Variants in DOCK3 observed in about 807,000 individuals in gnomAD.
DOCK3 encodes the protein dedicator of cytokinesis protein 3.
Under a neutral mutation model 265.6 loss-of-function variants are expected in DOCK3, and 60 were observed. The ratio of observed to expected loss-of-function variants is 0.23; its 90% CI spans 0.18 to 0.28. DOCK3 has a LOEUF of 0.28. Ranked by LOEUF, DOCK3 falls within the 10% of genes least tolerant of loss-of-function variation. The pLI, the probability that DOCK3 is intolerant of heterozygous loss-of-function variation, is 1.00. For missense variants in DOCK3, 1,981 were observed against 2,594.3 expected (o/e 0.76, Z 5.14); for synonymous variants, 881 against 938.0 (o/e 0.94, Z 1.11).
intron 3 of DOCK3, among the ~76,000 whole-genome samples, chr3:50,885,839 T>C (rs1176273054): frequency 6.6e-6 from 1 of 152,082 alleles, no homozygotes; most frequent in African/African-American, 2.4e-5. Context: ...GTATCTCCAA[T>C]TGACCTTACT....
At chr3:50,881,665 A>C (rs1028421467) in intron 3 of DOCK3, among the ~76,000 whole-genome samples, 3 of 152,204 alleles carry the variant, frequency 2.0e-5, no homozygotes, top group East Asian at 1.9e-4. Flanking sequence ...AGGAAGAATC[A>C]ATATCGTGAA....
At chr3:50,718,367 C>T (rs1397387452) in intron 1 of DOCK3, among the ~76,000 whole-genome samples, 2 of 152,174 alleles carry the variant, frequency 1.3e-5, no homozygotes, top group Admixed American at 6.5e-5. Context: ...ATCTTGGTTG[C>T]ATGGAACATC....
chr3:51,172,664 T>C (rs1316514594), intron 12 of DOCK3, among the ~76,000 whole-genome samples: 1 of 152,148 alleles, frequency 6.6e-6, no homozygotes, highest in Non-Finnish European at 1.5e-5. Context: ...GTTCTATGAT[T>C]TTTTTGGTAG....
At chr3:50,710,334 C>T (rs2036676991) in intron 1 of DOCK3, among the ~76,000 whole-genome samples, 1 of 151,798 alleles carries the variant, frequency 6.6e-6, no homozygotes, top group African/African-American at 2.4e-5. Flanking sequence ...ACAAATAATC[C>T]CATCAAAAAG....
At chr3:51,093,499 T>C (rs2082713949) in intron 9 of DOCK3, among the ~76,000 whole-genome samples, 1 of 152,238 alleles carries the variant, frequency 6.6e-6, no homozygotes, top group Non-Finnish European at 1.5e-5. Flanking sequence ...TATTGGTGTA[T>C]AGGAATGCTT....
intron 3 of DOCK3, among the ~76,000 whole-genome samples, chr3:50,885,509 G>T (rs966269195): frequency 6.6e-6 from 1 of 151,754 alleles, no homozygotes. Flanking sequence ...ATACCATTTT[G>T]CATTCGTACC....
intron 5 of DOCK3, among the ~76,000 whole-genome samples, chr3:50,996,586 T>A (rs1267632195): frequency 6.6e-6 from 1 of 152,154 alleles, no homozygotes; most frequent in Non-Finnish European, 1.5e-5. Flanking sequence ...ATTATTTCTA[T>A]CTCCATAATA....
chr3:50,710,624 A>G (rs1225577657), intron 1 of DOCK3, among the ~76,000 whole-genome samples: 1 of 152,270 alleles, frequency 6.6e-6, no homozygotes, highest in Non-Finnish European at 1.5e-5. Context: ...AACTAAAAGT[A>G]GAAATACCAT....
chr3:50,927,544 A>G (rs1408919975), intron 4 of DOCK3, among the ~76,000 whole-genome samples: 2 of 152,230 alleles, frequency 1.3e-5, no homozygotes, highest in African/African-American at 2.4e-5. Flanking sequence ...ATAAATATGT[A>G]CAACTATTAT....
At chr3:51,296,314 G>C (rs1450487648) in intron 27 of DOCK3, among the ~76,000 whole-genome samples, 2 of 152,066 alleles carry the variant, frequency 1.3e-5, no homozygotes, top group Non-Finnish European at 2.9e-5. Flanking sequence ...AAATATTGGG[G>C]ACTCAGCCAA....
chr3:51,355,145 C>T, intron 41 of DOCK3, 122 bp downstream of exon 41: 1 of 1,347,452 alleles, frequency 7.4e-7, no homozygotes, highest in South Asian at 1.5e-5. Context: ...TAGTCCTAAA[C>T]CTGAGTGTGT....
chr3:51,284,136 C>T (rs2081286449), intron 27 of DOCK3, among the ~76,000 whole-genome samples: 1 of 152,072 alleles, frequency 6.6e-6, no homozygotes, highest in African/African-American at 2.4e-5. Flanking sequence ...GAATTGTCCA[C>T]ATATTGAGTG....
intron 5 of DOCK3, among the ~76,000 whole-genome samples, chr3:50,944,017 T>G (rs2076365839): frequency 6.6e-6 from 1 of 152,200 alleles, no homozygotes. Context: ...TGATATGAAT[T>G]ATATGTCTCT....
chr3:51,313,629 C>T (rs1416489314), intron 31 of DOCK3, among the ~76,000 whole-genome samples: 1 of 152,152 alleles, frequency 6.6e-6, no homozygotes, highest in African/African-American at 2.4e-5. Context: ...CAAGTGAAGT[C>T]TGCTTTCAGC....
At chr3:50,958,167 A>G (rs1403040306) in intron 5 of DOCK3, among the ~76,000 whole-genome samples, 3 of 152,224 alleles carry the variant, frequency 2.0e-5, no homozygotes, top group African/African-American at 7.2e-5. Context: ...TCTTCCTCCA[A>G]ACTATTTCAT....
intron 3 of DOCK3, among the ~76,000 whole-genome samples, chr3:50,853,391 T>G (rs1201739790): frequency 6.6e-6 from 1 of 152,084 alleles, no homozygotes; most frequent in Admixed American, 6.6e-5. Context: ...GGGTTTGGGC[T>G]TCTAGAAAAC....
chr3:51,289,542 A>G (rs2081611462), intron 27 of DOCK3, among the ~76,000 whole-genome samples: 1 of 152,300 alleles, frequency 6.6e-6, no homozygotes, highest in East Asian at 1.9e-4. Flanking sequence ...ACAAAACAGC[A>G]CTAGTAAATA....
At chr3:51,246,084 A>G (rs1035234869) in intron 21 of DOCK3, among the ~76,000 whole-genome samples, 3 of 152,198 alleles carry the variant, frequency 2.0e-5, no homozygotes, top group Non-Finnish European at 4.4e-5. Flanking sequence ...AAGATAGATG[A>G]GATAGAGCAG....
chr3:51,252,664 GTC>G (rs1380581121), intron 22 of DOCK3, among the ~76,000 whole-genome samples: 2 of 152,224 alleles, frequency 1.3e-5, no homozygotes, highest in South Asian at 4.1e-4. Context: ...CTCTCTGTTT[GTC>G]TGTTATTGGT....
Sources: gnomAD v4.1 joint callset for allele counts (sites outside exome capture counted in the v4.1 genomes callset) on GRCh38, gnomAD v4.1.1 for gene constraint, MANE v1.5 for transcripts, NCBI Gene and HGNC (gene_info 2026-07-23, HGNC 2026-07-21) for gene names.